The following KCNMA1 variants were observed in gnomAD, a reference collection of about 807,000 sequenced individuals.
The protein encoded by KCNMA1 is Calcium-activated potassium channel subunit alpha-1.
A neutral mutation model predicts 140.0 loss-of-function variants in KCNMA1; 29 were observed. That is an observed-to-expected ratio of 0.21 (90% CI 0.15 to 0.28). KCNMA1 has a LOEUF of 0.28. Ranked by LOEUF, KCNMA1 falls within the 10% of genes least tolerant of loss-of-function variation. The probability of loss-of-function intolerance (pLI) is 1.00; values close to 1 mark genes in which losing one functional copy is unlikely to be tolerated. For synonymous variants in KCNMA1, 612 were observed against 611.9 expected (o/e 1.00, Z 0.00); for missense variants, 880 against 1,602.2 (o/e 0.55, Z 7.70).
chr10:77,159,109 C>A (rs749598381), intron 5 of KCNMA1, among the ~76,000 whole-genome samples: 1 of 152,158 alleles, frequency 6.6e-6, no homozygotes, highest in Non-Finnish European at 1.5e-5. Context: ...ATATATGACA[C>A]GGCTGTGAAT....
At chr10:77,602,634 C>A (rs1240623815) in intron 1 of KCNMA1, among the ~76,000 whole-genome samples, 1 of 152,072 alleles carries the variant, frequency 6.6e-6, no homozygotes, top group East Asian at 1.9e-4. Context: ...TGCTTCCCTG[C>A]CCCACAAGCT....
chr10:77,407,297 A>G (rs974202718), intron 1 of KCNMA1, among the ~76,000 whole-genome samples: 1 of 152,122 alleles, frequency 6.6e-6, no homozygotes. Context: ...TCTCTCCACC[A>G]CTGACTTCAC....
intron 23 of KCNMA1, among the ~76,000 whole-genome samples, chr10:76,932,767 A>G (rs1345644527): frequency 6.6e-6 from 1 of 152,184 alleles, no homozygotes; most frequent in Non-Finnish European, 1.5e-5. Context: ...ACTATCATGA[A>G]CTAGAGCAAC....
At chr10:76,897,478 C>G (rs925984848) in intron 25 of KCNMA1, among the ~76,000 whole-genome samples, 8 of 151,926 alleles carry the variant, frequency 5.3e-5, no homozygotes, top group African/African-American at 1.9e-4. Flanking sequence ...TTTGACAGGA[C>G]ACATTTGTTC....
intron 2 of KCNMA1, among the ~76,000 whole-genome samples, chr10:77,344,724 C>A (rs2154379589): frequency 6.6e-6 from 1 of 152,270 alleles, no homozygotes; most frequent in East Asian, 1.9e-4. Context: ...ACTCACTCCA[C>A]AATCATCTTC....
At chr10:77,404,479 T>C (rs1054860280) in intron 1 of KCNMA1, among the ~76,000 whole-genome samples, 5 of 152,144 alleles carry the variant, frequency 3.3e-5, no homozygotes, top group African/African-American at 7.2e-5. Context: ...GGTTTCACCA[T>C]GTTGGCCAGG....
At chr10:77,627,598 T>C (rs192243432) in intron 1 of KCNMA1, among the ~76,000 whole-genome samples, 40 of 152,166 alleles carry the variant, frequency 2.6e-4, no homozygotes, top group Middle Eastern at 3.4e-3. Flanking sequence ...AAGTTAAGGT[T>C]AAGGTCATTC....
intron 14 of KCNMA1, 66 bp from the exon 15 acceptor site, chr10:77,039,703 G>A (rs938510403): frequency 3.1e-6 from 3 of 977,600 alleles, no homozygotes; most frequent in South Asian, 1.3e-5. Context: ...GGAAACCTGA[G>A]TTACACTCTT....
intron 1 of KCNMA1, among the ~76,000 whole-genome samples, chr10:77,579,566 A>C (rs768279811): frequency 5.3e-5 from 8 of 152,210 alleles, no homozygotes; most frequent in Non-Finnish European, 1.2e-4. Context: ...ATTTAAAGAG[A>C]TAGAACCCAT....
chr10:77,170,495 TCAGAGGTGAGGCTCCATCCCTGGGAGAA>T (rs2098693035), intron 5 of KCNMA1, among the ~76,000 whole-genome samples: 1 of 61,694 alleles, frequency 1.6e-5, no homozygotes, highest in Non-Finnish European at 3.1e-5. Flanking sequence ...TGGGAGAAGG[TCAGAGGTGAGGCTCCATCCCTGGGAGAA>T]GGTCAGAGGT....
chr10:77,296,293 T>C (rs1463403000), intron 2 of KCNMA1, among the ~76,000 whole-genome samples: 1 of 151,986 alleles, frequency 6.6e-6, no homozygotes, highest in Admixed American at 6.5e-5. Flanking sequence ...GACCAAAAAG[T>C]GTAGGCAGTC....
At chr10:77,095,695 C>T (rs1283706059) in intron 9 of KCNMA1, among the ~76,000 whole-genome samples, 1 of 152,162 alleles carries the variant, frequency 6.6e-6, no homozygotes, top group African/African-American at 2.4e-5. Context: ...ATTTAAGCAT[C>T]GCTGCCTCCA....
At chr10:76,931,261 T>A (rs187032844) in intron 23 of KCNMA1, among the ~76,000 whole-genome samples, 114 of 152,332 alleles carry the variant, frequency 7.5e-4, no homozygotes, top group African/African-American at 2.6e-3. Context: ...CAAATCATCA[T>A]GTTGTAAACC....
intron 1 of KCNMA1, among the ~76,000 whole-genome samples, chr10:77,461,806 T>G (rs2097874692): frequency 6.6e-6 from 1 of 152,230 alleles, no homozygotes; most frequent in East Asian, 1.9e-4. Flanking sequence ...TCCCCGTGAG[T>G]CTGCCCATTG....
chr10:77,358,951 A>C (rs982995065), intron 2 of KCNMA1, among the ~76,000 whole-genome samples: 5 of 152,088 alleles, frequency 3.3e-5, no homozygotes, highest in African/African-American at 1.2e-4. Context: ...TCTCTTACAC[A>C]ATGAGCTGGG....
At chr10:76,917,363 C>T (rs2053395978) in intron 23 of KCNMA1, among the ~76,000 whole-genome samples, 2 of 152,122 alleles carry the variant, frequency 1.3e-5, no homozygotes, top group South Asian at 4.2e-4. Flanking sequence ...GGGAGAAATG[C>T]AGGTCACACG....
At chr10:77,424,506 G>GTTCA (rs3997977) in intron 1 of KCNMA1, among the ~76,000 whole-genome samples, 70,756 of 150,216 alleles carry the variant, frequency 0.47, 18,079 homozygotes, top group African/African-American at 0.68. Context: ...GAAGATCTGT[G>GTTCA]TTCATTCATT....
At chr10:77,536,698 C>G (rs887659112) in intron 1 of KCNMA1, among the ~76,000 whole-genome samples, 9 of 152,282 alleles carry the variant, frequency 5.9e-5, no homozygotes, top group African/African-American at 1.9e-4. Context: ...CTCCCGCACT[C>G]TGATATGTCT....
intron 23 of KCNMA1, among the ~76,000 whole-genome samples, chr10:76,936,664 A>G (rs2060635433): frequency 6.6e-6 from 1 of 152,174 alleles, no homozygotes; most frequent in Non-Finnish European, 1.5e-5. Context: ...GGATACATGT[A>G]TAGGTGCGTC....
Sources: gnomAD v4.1 joint callset for allele counts (sites outside exome capture counted in the v4.1 genomes callset) on GRCh38, gnomAD v4.1.1 for gene constraint, MANE v1.5 for transcripts, NCBI Gene and HGNC (gene_info 2026-07-23, HGNC 2026-07-21) for gene names.